The following RIC3 variants were observed in gnomAD, a reference collection of about 807,000 sequenced individuals.
RIC3 encodes protein RIC-3.
Under a neutral mutation model 27.3 loss-of-function variants are expected in RIC3, and 28 were observed. That is an observed-to-expected ratio of 1.02 (90% CI 0.76 to 1.41). The LOEUF (loss-of-function observed/expected upper bound fraction) is 1.41. Ranked by LOEUF, RIC3 falls within the 40% of genes most tolerant of loss-of-function variation. The probability of loss-of-function intolerance (pLI) is 0.00; values close to 1 mark genes in which losing one functional copy is unlikely to be tolerated. For missense variants in RIC3, 501 were observed against 444.7 expected (o/e 1.13, Z -1.14); for synonymous variants, 184 against 160.4 (o/e 1.15, Z -1.11).
chr11:8,100,350 C>T, the RIC3 span, among the ~76,000 whole-genome samples: 1 of 152,066 alleles, frequency 6.6e-6, no homozygotes, highest in Non-Finnish European at 1.5e-5. Flanking sequence ...CCCAGGGGCT[C>T]AGTTCTGGCC....
chr11:8,100,961 T>C, the RIC3 span: 1 of 1,614,164 alleles, frequency 6.2e-7, no homozygotes, highest in Non-Finnish European at 8.5e-7. Flanking sequence ...CACACAGGCC[T>C]CCGTGAAGAA....
intron 5 of RIC3, among the ~76,000 whole-genome samples, chr11:8,117,039 G>A (rs1360378032): frequency 3.3e-5 from 5 of 152,174 alleles, no homozygotes; most frequent in East Asian, 3.9e-4. Context: ...TAAAGAAAAT[G>A]TGGCACATAT....
chr11:8,159,412 C>T (rs887358469), intron 1 of RIC3, among the ~76,000 whole-genome samples: 8 of 152,092 alleles, frequency 5.3e-5, no homozygotes, highest in Admixed American at 3.9e-4. Flanking sequence ...TATAGACTAT[C>T]TTTTCATCTA....
At chr11:8,151,720 C>T (rs1950251509) in intron 1 of RIC3, among the ~76,000 whole-genome samples, 2 of 151,574 alleles carry the variant, frequency 1.3e-5, no homozygotes, top group African/African-American at 2.4e-5. Flanking sequence ...TCAAGACCAG[C>T]CTGGCCAACA....
At chr11:8,160,468 G>A (rs1185357116) in intron 1 of RIC3, among the ~76,000 whole-genome samples, 1 of 152,174 alleles carries the variant, frequency 6.6e-6, no homozygotes, top group Non-Finnish European at 1.5e-5. Flanking sequence ...AATTTCAAGA[G>A]CTAGAATTCT....
rs531075322 is a variant in RIC3 at position 8,125,019 on chromosome 11, C to G, written c.670+1640G>C. Among the ~76,000 whole-genome samples, 6 of 152,044 alleles carry G rather than the reference C, an allele frequency of 3.9e-5. No individual in the cohort carries two copies. The South Asian group carries it at 1.2e-3, about 32-fold the overall frequency. ...CTGTAATCCCAGCACTTTGGGATGC[C>G]GAAGTGGGTGGATCACAAGGTCAGG... On this transcript the variant is annotated intron_variant, in intron 5 of 5. Transcript: ENST00000309737.
chr11:8,126,859 T>C, intron 4 of RIC3, 52 bp from the exon 5 acceptor site: 2 of 1,605,732 alleles, frequency 1.2e-6, no homozygotes, highest in South Asian at 2.2e-5. Flanking sequence ...TCCTAGGCAA[T>C]GGACGTAAAC....
chr11:8,146,569 A>G (rs569458702), intron 1 of RIC3, among the ~76,000 whole-genome samples: 3 of 152,236 alleles, frequency 2.0e-5, no homozygotes, highest in Admixed American at 6.5e-5. Context: ...TGAGCCAAAT[A>G]TAAGTGACCA....
intron 1 of RIC3, among the ~76,000 whole-genome samples, chr11:8,148,694 A>G (rs1028575107): frequency 1.3e-5 from 2 of 152,202 alleles, no homozygotes; most frequent in African/African-American, 2.4e-5. Flanking sequence ...ATTCTGCCAT[A>G]TGCAAGAAAA....
At chr11:8,096,548 T>TCTCGGTGGTCGCCGTATCATTAA in the RIC3 span, 1 of 697,762 alleles carries the variant, frequency 1.4e-6, no homozygotes, top group Non-Finnish European at 2.6e-6. Context: ...TATGTGTAGA[T>TCTCGGTGGTCGCCGTATCATTAA]ATGGCTAAGA....
intron 1 of RIC3, 119 bp downstream of exon 1, chr11:8,168,747 A>T (rs1951991062): frequency 7.2e-7 from 1 of 1,392,978 alleles, no homozygotes; most frequent in Non-Finnish European, 9.5e-7. Context: ...CGCCCTCTCC[A>T]GTCAGTTTGG....
intron 4 of RIC3, chr11:8,128,272 T>C (rs1033208224): frequency 2.6e-5 from 12 of 457,282 alleles, no homozygotes; most frequent in African/African-American, 2.4e-4. Flanking sequence ...TTTTCCAGAC[T>C]GTACGCAGGG....
the RIC3 span, chr11:8,100,736 C>T: frequency 6.3e-7 from 1 of 1,574,878 alleles, no homozygotes; most frequent in South Asian, 1.1e-5. Context: ...TAGGGAAATC[C>T]AAGGACCCCC....
At chr11:8,101,448 C>G, downstream of RIC3, 1 of 1,606,652 alleles carries the variant, frequency 6.2e-7, no homozygotes, top group Non-Finnish European at 8.5e-7. Context: ...CATTCCTGTC[C>G]TGTCCTTTTC....
rs115956843 is a variant in RIC3 at position 8,117,047 on chromosome 11, T to A, written c.671-5910A>T. 6.1e-3 allele frequency among the ~76,000 whole-genome samples: 922 copies of A among 152,304 alleles called. 12 individuals are homozygous for A. Among genetic ancestry groups the A allele is most frequent in the African/African-American group, 0.021 (874 of 41,548 alleles). ...GGATGAATAAAGAAAATGTGGCACA[T>A]ATACACAACAGAATAGTACTTAGCA... On this transcript the variant is annotated intron_variant, in intron 5 of 5. Coordinates refer to ENST00000309737, the MANE Select transcript of RIC3 (RefSeq NM_001206671.4).
chr11:8,147,005 C>A (rs1949752334), intron 1 of RIC3, among the ~76,000 whole-genome samples: 1 of 152,136 alleles, frequency 6.6e-6, no homozygotes, highest in Non-Finnish European at 1.5e-5. Context: ...GGCAAATCTG[C>A]CTCCCATTTT....
intron 1 of RIC3, among the ~76,000 whole-genome samples, chr11:8,161,556 C>G (rs1364528314): frequency 6.6e-6 from 1 of 152,226 alleles, no homozygotes; most frequent in African/African-American, 2.4e-5. Context: ...GAACTCCTCT[C>G]AACTCCAGAG....
At chr11:8,128,212 A>C in intron 4 of RIC3, 1 of 457,400 alleles carries the variant, frequency 2.2e-6, no homozygotes, top group Non-Finnish European at 4.4e-6. Flanking sequence ...AGACTAGAAG[A>C]GCTTACCTGC....
At chr11:8,132,128 T>C (rs1947811569) in intron 4 of RIC3, among the ~76,000 whole-genome samples, 1 of 152,138 alleles carries the variant, frequency 6.6e-6, no homozygotes, top group Admixed American at 6.5e-5. Context: ...TCTCATGGAC[T>C]GCTTGACCAT....
Sources: gnomAD v4.1 joint callset for allele counts (sites outside exome capture counted in the v4.1 genomes callset) on GRCh38, gnomAD v4.1.1 for gene constraint, MANE v1.5 for transcripts, NCBI Gene and HGNC (gene_info 2026-07-23, HGNC 2026-07-21) for gene names.